The following TMPRSS11D variants were observed in gnomAD, a reference collection of about 807,000 sequenced individuals.
TMPRSS11D encodes transmembrane protease serine 11D.
A neutral mutation model predicts 44.4 loss-of-function variants in TMPRSS11D; 32 were observed. That is an observed-to-expected ratio of 0.72 (90% CI 0.54 to 0.97). TMPRSS11D has a LOEUF of 0.97. TMPRSS11D is among the 50% of genes least tolerant of loss of function. The pLI is 0.00. For missense variants in TMPRSS11D, 446 were observed against 502.6 expected, an observed-to-expected ratio of 0.89 and a Z score of 1.08; for synonymous variants, 179 against 177.9, an observed-to-expected ratio of 1.01 and a Z score of -0.05.
intron 9 of TMPRSS11D, among the ~76,000 whole-genome samples, chr4:67,825,138 A>C (rs1717760621): frequency 6.6e-6 from 1 of 151,944 alleles, no homozygotes; most frequent in Non-Finnish European, 1.5e-5. Flanking sequence ...TGTGACTCAA[A>C]TTACTAGGAT....
chr4:67,837,126 C>T lies in TMPRSS11D; in HGVS notation c.475+1046G>A, dbSNP rs540382597. Among the ~76,000 whole-genome samples, 9 of 152,170 alleles carry T rather than the reference C, an allele frequency of 5.9e-5. 1 individual carries two copies. In the South Asian group the frequency reaches 1.2e-3, roughly 21 times the overall value. ...GATTATGGGCTCTGGAGGTGGAAAC[C>T]GCTATTCTGTGACCATCGTATCACC... is the stretch of plus-strand genomic sequence containing the variant. On this transcript the variant is annotated intron_variant, in intron 5 of 9. Transcript: ENST00000283916.
intron 2 of TMPRSS11D, among the ~76,000 whole-genome samples, chr4:67,855,180 G>A (rs774763578): frequency 1.3e-4 from 20 of 150,802 alleles, no homozygotes; most frequent in East Asian, 3.9e-4. Context: ...GCTTGAACCC[G>A]GGAGGCAGAG....
chr4:67,830,357 C>G (rs1717916840), intron 7 of TMPRSS11D, among the ~76,000 whole-genome samples: 1 of 151,816 alleles, frequency 6.6e-6, no homozygotes, highest in Admixed American at 6.6e-5. Flanking sequence ...AGAGAAATGC[C>G]TTGTACAGAC....
At chr4:67,833,540 A>G in intron 6 of TMPRSS11D, 159 bp from the exon 7 acceptor site, 1 of 583,222 alleles carries the variant, frequency 1.7e-6, no homozygotes, top group Non-Finnish European at 2.6e-6. Context: ...TATTTCTACA[A>G]TGCATTTGTG....
intron 1 of TMPRSS11D, among the ~76,000 whole-genome samples, chr4:67,867,499 A>G (rs1388484479): frequency 1.3e-5 from 2 of 152,200 alleles, no homozygotes; most frequent in Non-Finnish European, 2.9e-5. Flanking sequence ...TAAACTAAAA[A>G]GCTTCTGCAC....
In TMPRSS11D at chr4:67,821,749, T is replaced by C. The variant is rs1327196395; in HGVS notation, c.*588A>G. The stretch of plus-strand genomic sequence containing the variant: ...TTATCCACTATTTCCTATGGAAGCA[T>C]GTTCTTACAGAATAATTAAGGTTAG... On this transcript the variant is annotated 3_prime_UTR_variant, in exon 10 of 10. Transcript: ENST00000283916. 2.0e-5 allele frequency: 3 copies of C among 152,166 alleles called. No homozygotes were observed. Among genetic ancestry groups the C allele is most frequent in the Non-Finnish European group, 4.4e-5 (3 of 68,020 alleles). 9.4% of individuals were successfully genotyped at this position (152,166 alleles called of 1,614,324 possible).
intron 9 of TMPRSS11D, among the ~76,000 whole-genome samples, chr4:67,823,150 A>T (rs556150442): frequency 1.3e-5 from 2 of 152,262 alleles, no homozygotes; most frequent in South Asian, 4.1e-4. Flanking sequence ...ATATTTGTTG[A>T]ATGAATGAGT....
In TMPRSS11D at chr4:67,827,365, GT is replaced by G; in HGVS notation, c.847del (p.Thr283ProfsTer26). 6.2e-7 allele frequency: 1 copy of G among 1,613,262 alleles called. No individual in the cohort carries two copies. Among genetic ancestry groups the G allele is most frequent in the Non-Finnish European group, 8.5e-7 (1 of 1,179,562 alleles). On this transcript the variant is annotated frameshift_variant, in exon 8 of 10. Transcript: ENST00000283916. LOFTEE classifies it high-confidence loss of function. Reference protein sequence around the residue: ...IALVRLENSVTFTKDIHSVCL... With the variant: ...IALVRLENSVXFTKDIHSVCL... ...CACACTATGGATATCTTTGGTAAAG[GT>G]GACACTGTTCTCAAGTCTCACAAGT...
chr4:67,835,106 G>A lies in TMPRSS11D; in HGVS notation c.491C>T (p.Ala164Val). 1 of 1,612,276 alleles carries A rather than the reference G, an allele frequency of 6.2e-7. No homozygotes were observed. Among genetic ancestry groups the A allele is most frequent in the Non-Finnish European group, 8.5e-7 (1 of 1,178,714 alleles). ...ACCATTAATAAGCCAATTTGCTGCAGCCTGGTCAGTAAGTGCTAGTATTAA... is the reference window on the plus strand; with the variant it reads ...ACCATTAATAAGCCAATTTGCTGCAACCTGGTCAGTAAGTGCTAGTATTAA... ...STEITSLTDQ[A>V]AANWLINECG... The change falls in exon 6 of 10, where the codon GCT becomes GTT. Residue 164 changes from alanine to valine, a missense_variant. Physicochemically the swap from Ala to Val is moderately conservative, Grantham distance 64. Coordinates refer to ENST00000283916, the MANE Select transcript of TMPRSS11D (RefSeq NM_004262.3).
rs543263773 is a variant in TMPRSS11D, at chr4:67,868,381, A to G, written c.9-8703T>C. ...GGTGATGGCTACACTAAAAGCCCAG[A>G]CTTCATAACAGTGCAATACCTCCAT... is the stretch of plus-strand genomic sequence containing the variant. On this transcript the variant is annotated intron_variant, in intron 1 of 9. Coordinates refer to ENST00000283916, the MANE Select transcript of TMPRSS11D (RefSeq NM_004262.3). 1.2e-4 allele frequency among the ~76,000 whole-genome samples: 19 copies of G among 152,288 alleles called. 1 individual carries two copies. Among genetic ancestry groups the G allele is most frequent in the African/African-American group, 4.6e-4 (19 of 41,572 alleles).
At chr4:67,829,418 A>AG (rs1717887815) in intron 7 of TMPRSS11D, among the ~76,000 whole-genome samples, 1 of 149,628 alleles carries the variant, frequency 6.7e-6, no homozygotes, top group Non-Finnish European at 1.5e-5. Context: ...CTATATACAT[A>AG]GGGGGAGACA....
At chr4:67,862,834 G>A (rs367975824) in intron 1 of TMPRSS11D, among the ~76,000 whole-genome samples, 290 of 151,756 alleles carry the variant, frequency 1.9e-3, no homozygotes, top group East Asian at 6.2e-3. Context: ...GCATGTTCTC[G>A]CTCATAGGTG....
At chr4:67,866,307 T>C (rs1441526567) in intron 1 of TMPRSS11D, among the ~76,000 whole-genome samples, 6 of 151,874 alleles carry the variant, frequency 4.0e-5, no homozygotes, top group Non-Finnish European at 5.9e-5. Flanking sequence ...CCTTCCATGA[T>C]AAAAACCCTT....
In TMPRSS11D at chr4:67,825,894, GA is replaced by G. The variant is rs757480895; in HGVS notation, c.953-21del. On this transcript the variant is annotated intron_variant, in intron 8 of 9. Coordinates refer to ENST00000283916, the MANE Select transcript of TMPRSS11D (RefSeq NM_004262.3). ...TGTGGCCTGTTTGTTATAAAAGCAG[GA>G]AAAAAATGGACTTCAAGATGTGTAC... 8.2e-6 allele frequency: 13 copies of G among 1,588,414 alleles called. No individual in the cohort carries two copies. Among genetic ancestry groups the G allele is most frequent in the Middle Eastern group, 1.7e-4 (1 of 5,888 alleles).
intron 1 of TMPRSS11D, among the ~76,000 whole-genome samples, chr4:67,870,808 T>G (rs1237871090): frequency 5.0e-5 from 3 of 60,278 alleles, no homozygotes; most frequent in African/African-American, 2.2e-4. Context: ...AGCGAGACCC[T>G]GTCTCAAAAA....
At chr4:67,883,782 A>G in intron 1 of TMPRSS11D, 144 bp downstream of exon 1, 1 of 570,900 alleles carries the variant, frequency 1.8e-6, no homozygotes. Context: ...TCTAAACAAT[A>G]TCTAAGAGTT....
At chr4:67,832,744 T>C (rs1349029424) in intron 7 of TMPRSS11D, among the ~76,000 whole-genome samples, 5 of 150,872 alleles carry the variant, frequency 3.3e-5, no homozygotes, top group South Asian at 4.2e-4. Flanking sequence ...CATGGGGCAG[T>C]CTCTAGGTTA....
intron 3 of TMPRSS11D, among the ~76,000 whole-genome samples, chr4:67,852,962 T>G (rs538608413): frequency 1.3e-5 from 2 of 152,226 alleles, no homozygotes; most frequent in South Asian, 4.2e-4. Flanking sequence ...CAGATACAAT[T>G]TTGTGGCGAG....
intron 4 of TMPRSS11D, among the ~76,000 whole-genome samples, chr4:67,841,123 A>G (rs1718216692): frequency 6.6e-6 from 1 of 152,178 alleles, no homozygotes; most frequent in Non-Finnish European, 1.5e-5. Flanking sequence ...AGAATTATCC[A>G]TGTGATGGTA....
Sources: allele counts gnomAD v4.1 joint callset (sites outside exome capture counted in the v4.1 genomes callset), GRCh38; gene constraint gnomAD v4.1.1; transcripts MANE v1.5; gene names NCBI Gene and HGNC (gene_info 2026-07-23, HGNC 2026-07-21).